CNTN1: variants seen among roughly 807,000 people sequenced by gnomAD.
The protein encoded by CNTN1 is contactin 1.
CNTN1 carries 38 observed loss-of-function variants against 126.4 expected under a neutral mutation model. That is an observed-to-expected ratio of 0.30 (90% confidence interval 0.23 to 0.39). CNTN1 has a LOEUF of 0.39. Ranked by LOEUF, CNTN1 falls within the 10% of genes least tolerant of loss-of-function variation. The probability of loss-of-function intolerance (pLI) is 1.00; values close to 1 mark genes in which losing one functional copy is unlikely to be tolerated. For synonymous variants in CNTN1, 413 were observed against 422.6 expected, an observed-to-expected ratio of 0.98 and a Z score of 0.28; for missense variants, 1,009 against 1,248.4, an observed-to-expected ratio of 0.81 and a Z score of 2.89.
intron 1 of CNTN1, among the ~76,000 whole-genome samples, chr12:40,863,926 TCCTC>T (rs1555170458): frequency 4.8e-4 from 62 of 129,128 alleles, no homozygotes; most frequent in East Asian, 1.2e-3. Context: ...CTTCCTTCCT[TCCTC>T]CCTCCCTCCC....
chr12:40,932,873 T>G (rs888066033), intron 7 of CNTN1, among the ~76,000 whole-genome samples: 1 of 152,002 alleles, frequency 6.6e-6, no homozygotes, highest in African/African-American at 2.4e-5. Context: ...CTAAGCCTGA[T>G]TTTTTCTGTA....
At chr12:40,884,039 G>C (rs186564397) in intron 1 of CNTN1, among the ~76,000 whole-genome samples, 12 of 151,552 alleles carry the variant, frequency 7.9e-5, no homozygotes, top group Non-Finnish European at 1.2e-4. Flanking sequence ...AAATAATCAT[G>C]CTTTGGTGTT....
At chr12:40,824,031 C>T (rs760927649) in intron 1 of CNTN1, among the ~76,000 whole-genome samples, 1 of 152,048 alleles carries the variant, frequency 6.6e-6, no homozygotes, top group South Asian at 2.1e-4. Context: ...CTTGCCCCTG[C>T]TTATGGCATC....
At chr12:40,947,042 T>C (rs908924531) in intron 14 of CNTN1, among the ~76,000 whole-genome samples, 3 of 152,036 alleles carry the variant, frequency 2.0e-5, no homozygotes, top group African/African-American at 7.2e-5. Flanking sequence ...AAGAGTTTAA[T>C]GGGAACACCA....
chr12:40,884,972 G>C, intron 1 of CNTN1, among the ~76,000 whole-genome samples: 1 of 151,320 alleles, frequency 6.6e-6, no homozygotes, highest in Non-Finnish European at 1.5e-5. Context: ...TTTATATTTT[G>C]ACTTTTAATT....
chr12:40,933,638 C>T (rs1945975232), intron 8 of CNTN1, 59 bp from the exon 9 acceptor site: 1 of 1,553,410 alleles, frequency 6.4e-7, no homozygotes. Context: ...TAGCTATAAA[C>T]ATAAAGTAAT....
intron 1 of CNTN1, among the ~76,000 whole-genome samples, chr12:40,852,436 CTG>C (rs1942754592): frequency 6.6e-6 from 1 of 152,134 alleles, no homozygotes; most frequent in South Asian, 2.1e-4. Flanking sequence ...CCTGGTATGA[CTG>C]TGGCTTGGCT....
rs574679006 is a variant in CNTN1 at position 40,910,453 on chromosome 12, T to C, written c.94+348T>C. 5.8e-4 allele frequency among the ~76,000 whole-genome samples: 88 copies of C among 152,234 alleles called. 1 individual carries two copies. The highest frequency in any genetic ancestry group is 9.7e-4 in the Non-Finnish European group (66 of 68,032). ...TATTTTTGAAAGCCTCTTGCTTTGT[T>C]GCAAGGGAGATAACTAAAGTTAGTG... On this transcript the variant is annotated intron_variant, in intron 3 of 23. Coordinates refer to ENST00000551295, the MANE Select transcript of CNTN1 (RefSeq NM_001843.4).
chr12:40,749,131 C>T (rs1230358942), intron 1 of CNTN1, among the ~76,000 whole-genome samples: 4 of 151,976 alleles, frequency 2.6e-5, no homozygotes, highest in African/African-American at 9.7e-5. Context: ...TTATTATCTC[C>T]CTGGAATTCT....
chr12:40,995,470 T>C (rs1392254476), intron 17 of CNTN1, among the ~76,000 whole-genome samples: 6 of 150,872 alleles, frequency 4.0e-5, no homozygotes, highest in Admixed American at 1.3e-4. Context: ...TTTTCCTTAG[T>C]GATATAGGGG....
chr12:41,025,230 C>T lies in CNTN1; in HGVS notation c.2604C>T (p.Leu868=), dbSNP rs145610308. 9.9e-5 allele frequency: 160 copies of T among 1,613,962 alleles called. No individual in the cohort carries two copies. Among genetic ancestry groups the T allele is most frequent in the African/African-American group, 6.7e-4 (50 of 75,030 alleles). Residue 868 remains leucine, a synonymous_variant, in exon 21 of 24, where the codon CTC becomes CTT. Transcript: ENST00000551295. ...CCAGCCAAGAGTACTCGGCCAGGCT[C>T]GAGAACCTTCTGCCAGACACCCAGT... ...QVTSQEYSAR[L]ENLLPDTQYF... is the part of the protein sequence containing the mutation.
At chr12:40,852,914 T>C (rs1022976661) in intron 1 of CNTN1, among the ~76,000 whole-genome samples, 1 of 151,998 alleles carries the variant, frequency 6.6e-6, no homozygotes, top group Non-Finnish European at 1.5e-5. Flanking sequence ...TGAGAGAATT[T>C]GATCTAGTAT....
At chr12:40,773,632 T>A (rs1939433636) in intron 1 of CNTN1, among the ~76,000 whole-genome samples, 1 of 117,230 alleles carries the variant, frequency 8.5e-6, no homozygotes, top group Admixed American at 9.5e-5. Context: ...GACCAGAAAC[T>A]GTATATATAT....
intron 23 of CNTN1, 91 bp downstream of exon 23, chr12:41,029,310 C>T: frequency 1.4e-6 from 2 of 1,382,952 alleles, no homozygotes; most frequent in Non-Finnish European, 1.0e-6. Flanking sequence ...GCCTGATACA[C>T]CAGTGTCCAT....
rs373175095 is a variant in CNTN1, at chr12:40,797,075, G to A, written c.-77+104483G>A. Among the ~76,000 whole-genome samples the A allele has an allele frequency of 6.6e-5, 10 of 152,136 alleles. No homozygotes were observed. In the South Asian group the frequency reaches 1.2e-3, roughly 19 times the overall value. On this transcript the variant is annotated intron_variant, in intron 1 of 23. Transcript: ENST00000551295. ...AATAAAATTATATCTTGTGCCACTG[G>A]TGCATTCACCTATTGATTCAAAAAA...
intron 1 of CNTN1, among the ~76,000 whole-genome samples, chr12:40,875,177 T>C (rs541517876): frequency 5.3e-5 from 8 of 152,298 alleles, no homozygotes; most frequent in African/African-American, 1.9e-4. Context: ...GACATAAATA[T>C]TGTTTAATCT....
chr12:40,872,889 G>C (rs1943551214), intron 1 of CNTN1, among the ~76,000 whole-genome samples: 1 of 152,098 alleles, frequency 6.6e-6, no homozygotes, highest in African/African-American at 2.4e-5. Flanking sequence ...TCATTTTCTT[G>C]TTGCATATTT....
At chr12:40,879,599 A>G (rs140480682) in intron 1 of CNTN1, among the ~76,000 whole-genome samples, 148 of 152,294 alleles carry the variant, frequency 9.7e-4, no homozygotes, top group African/African-American at 3.4e-3. Flanking sequence ...AGGGTCTAGT[A>G]TTATATCACC....
chr12:40,705,924 G>T (rs186599313), intron 1 of CNTN1, among the ~76,000 whole-genome samples: 1 of 151,834 alleles, frequency 6.6e-6, no homozygotes, highest in African/African-American at 2.4e-5. Context: ...TCGGTCAAAA[G>T]AACTCACTCA....
Sources: allele counts gnomAD v4.1 joint callset (sites outside exome capture counted in the v4.1 genomes callset), GRCh38; gene constraint gnomAD v4.1.1; transcripts MANE v1.5; gene names NCBI Gene and HGNC (gene_info 2026-07-23, HGNC 2026-07-21).